NPAS3: variants seen among roughly 807,000 people sequenced by gnomAD.
NPAS3 encodes the protein neuronal PAS domain-containing protein 3.
NPAS3 carries 14 observed loss-of-function variants against 73.1 expected under a neutral mutation model. The observed-to-expected ratio is 0.19, with a 90% CI of 0.13 to 0.30. The LOEUF (loss-of-function observed/expected upper bound fraction) is 0.30, where lower values mean the gene tolerates loss of function less well. NPAS3 is among the 10% of genes least tolerant of loss of function. NPAS3 has a pLI of 1.00. For missense variants in NPAS3, 1,096 were observed against 1,250.0 expected (o/e 0.88, Z 1.86); for synonymous variants, 620 against 541.5 (o/e 1.14, Z -2.01).
chr14:33,001,680 C>T (rs948375778), intron 1 of NPAS3, among the ~76,000 whole-genome samples: 10 of 152,074 alleles, frequency 6.6e-5, no homozygotes, highest in Non-Finnish European at 1.2e-4. Context: ...TTCTTTTCTT[C>T]TTCCATCTGC....
Position 33,326,649 on chromosome 14 carries a change from A to G in NPAS3, c.386-40537A>G, listed in dbSNP as rs566026638. ...TATCAATACAGTAAGAGTATAATTT[A>G]GAGAGAAGTGGTCAAAACTTTGAAA... is the stretch of plus-strand genomic sequence containing the variant. On this transcript the variant is annotated intron_variant, in intron 3 of 11. Transcript: ENST00000356141. Among the ~76,000 whole-genome samples, 83 of 152,364 alleles carry G rather than the reference A, an allele frequency of 5.4e-4. 1 individual carries two copies. Among genetic ancestry groups the G allele is most frequent in the Admixed American group, 1.0e-3 (16 of 15,302 alleles).
chr14:33,419,842 A>G (rs2048300935), intron 4 of NPAS3, among the ~76,000 whole-genome samples: 1 of 151,920 alleles, frequency 6.6e-6, no homozygotes. Flanking sequence ...AACTCTTGAG[A>G]CAAGTAGGTA....
At chr14:33,770,953 T>C (rs1304885855) in intron 7 of NPAS3, among the ~76,000 whole-genome samples, 2 of 152,202 alleles carry the variant, frequency 1.3e-5, no homozygotes, top group African/African-American at 4.8e-5. Flanking sequence ...TTTTTTGTAC[T>C]AGGTTTTAAA....
chr14:33,534,990 GC>G (rs2054198258), intron 4 of NPAS3, among the ~76,000 whole-genome samples: 1 of 152,162 alleles, frequency 6.6e-6, no homozygotes, highest in African/African-American at 2.4e-5. Context: ...TTAGCAAGGA[GC>G]AGTAGCAATA....
chr14:33,088,493 G>C (rs896619335), intron 2 of NPAS3, among the ~76,000 whole-genome samples: 1 of 152,216 alleles, frequency 6.6e-6, no homozygotes, highest in Admixed American at 6.5e-5. Flanking sequence ...CTGGGGTTAG[G>C]GGTGCCCGCC....
rs536572607 is a variant in NPAS3 at position 33,022,527 on chromosome 14, T to C, written c.51-33378T>C. Among the ~76,000 whole-genome samples, 23 of 151,844 alleles carry C rather than the reference T, an allele frequency of 1.5e-4. No individual in the cohort carries two copies. The East Asian group carries it at 3.9e-3, about 26-fold the overall frequency. ...AAAAATACAAAAAAGTAGCTGGGCG[T>C]GGTGGCGGGAGCCTGTAGTCCTAGC... On this transcript the variant is annotated intron_variant, in intron 1 of 11. Transcript: ENST00000356141.
chr14:33,123,073 C>A (rs1216617593), intron 2 of NPAS3, among the ~76,000 whole-genome samples: 1 of 151,206 alleles, frequency 6.6e-6, no homozygotes, highest in African/African-American at 2.4e-5. Flanking sequence ...AAAGATATAC[C>A]TTTTAAACAA....
intron 1 of NPAS3, among the ~76,000 whole-genome samples, chr14:32,952,059 AACT>A (rs2139148946): frequency 6.6e-6 from 1 of 152,158 alleles, no homozygotes; most frequent in Admixed American, 6.5e-5. Context: ...TAAGATGATT[AACT>A]TTTTTGCTTA....
At position 33,207,515 on chromosome 14, in the gene NPAS3, G is replaced by A. The variant is rs111530221; in HGVS notation, c.141-7667G>A. 1.4e-3 allele frequency among the ~76,000 whole-genome samples: 216 copies of A among 152,200 alleles called. 4 individuals carry two copies. The highest frequency in any genetic ancestry group is 4.8e-3 in the African/African-American group (198 of 41,530). ...AGTACAATATTTTACCCTTGTTCAG[G>A]ACATTCATTTATCCTCAAGAATTCT... On this transcript the variant is annotated intron_variant, in intron 2 of 11. Coordinates refer to ENST00000356141, the Ensembl canonical transcript of NPAS3.
In NPAS3 at chr14:33,800,544, C is replaced by T. The variant is rs2063673430; in HGVS notation, c.2237C>T (p.Pro746Leu). The T allele has an allele frequency of 1.5e-6, 2 of 1,353,974 alleles. No homozygotes were observed. The highest frequency in any genetic ancestry group is 3.2e-5 in the East Asian group (1 of 31,432). 83.9% of individuals were successfully genotyped at this position (1,353,974 alleles called of 1,614,324 possible). A position where few individuals can be genotyped will look rare whatever the true frequency, so the allele number is the denominator to read the frequency against. ...GCCCTGGCCCCCGTCGCCTCCGACC[C>T]GCTGTCACCCCCGCTCTCGGCGTCC... is the stretch of plus-strand genomic sequence containing the variant. The change falls in exon 12 of 12, where the codon CCG becomes CTG. Residue 746 changes from proline (P) to leucine (L), a missense_variant. Coordinates refer to ENST00000356141, the Ensembl canonical transcript of NPAS3. This position sits in a 1 kb window ranked among gnomAD's most constrained non-coding sequence, Gnocchi z 6.5.
chr14:33,524,903 G>A (rs1326926824), intron 4 of NPAS3, among the ~76,000 whole-genome samples: 1 of 152,112 alleles, frequency 6.6e-6, no homozygotes, highest in African/African-American at 2.4e-5. Context: ...TATAGAAACA[G>A]TCACATAGGA....
At position 33,084,029 on chromosome 14, in the gene NPAS3, G is replaced by A. The variant is rs143670443; in HGVS notation, c.140+28035G>A. ...AGAAATTTGGAAATTTGATGTTTCC[G>A]TCACCATGGCACTGTATTTTCTCAG... On this transcript the variant is annotated intron_variant, in intron 2 of 11. Transcript: ENST00000356141. Among the ~76,000 whole-genome samples the A allele has an allele frequency of 3.9e-4, 59 of 152,214 alleles. 1 individual carries two copies. The East Asian group carries it at 8.3e-3, about 21-fold the overall frequency.
intron 6 of NPAS3, among the ~76,000 whole-genome samples, chr14:33,722,510 G>T (rs1400959853): frequency 1.3e-5 from 2 of 152,294 alleles, no homozygotes; most frequent in African/African-American, 2.4e-5. Flanking sequence ...ATATGGAAAT[G>T]ATGCCTACAC....
chr14:33,681,291 G>C (rs1475580861), intron 6 of NPAS3, among the ~76,000 whole-genome samples: 2 of 152,138 alleles, frequency 1.3e-5, no homozygotes, highest in East Asian at 3.9e-4. Flanking sequence ...GTATATTGTT[G>C]TGAAGGGATA....
chr14:33,205,502 C>T (rs558883295), intron 2 of NPAS3, among the ~76,000 whole-genome samples: 2 of 151,932 alleles, frequency 1.3e-5, no homozygotes, highest in Non-Finnish European at 2.9e-5. Context: ...AATTTAGGCT[C>T]CTGGCAACCA....
At chr14:32,951,997 CTGG>C (rs2036502081) in intron 1 of NPAS3, among the ~76,000 whole-genome samples, 1 of 151,864 alleles carries the variant, frequency 6.6e-6, no homozygotes, top group Non-Finnish European at 1.5e-5. Context: ...TTTATGGTTT[CTGG>C]AAAATTCCCA....
chr14:33,803,890 T>TA (rs1249114350), downstream of NPAS3: 1 of 152,128 alleles, frequency 6.6e-6, no homozygotes, highest in African/African-American at 2.4e-5. Context: ...GATATATATA[T>TA]AAAAAAATAA....
intron 2 of NPAS3, among the ~76,000 whole-genome samples, chr14:33,151,634 GTTAT>G (rs201619541): frequency 0.013 from 2,031 of 152,140 alleles, 17 homozygotes; most frequent in African/African-American, 0.025. Flanking sequence ...ATTGAATCCA[GTTAT>G]TTATTCTTTT....
chr14:32,955,880 A>G (rs1314132309), intron 1 of NPAS3, among the ~76,000 whole-genome samples: 1 of 152,166 alleles, frequency 6.6e-6, no homozygotes, highest in East Asian at 1.9e-4. Flanking sequence ...TGTATTTTTA[A>G]CTAATGCTTA....
Sources: allele counts gnomAD v4.1 joint callset (sites outside exome capture counted in the v4.1 genomes callset), GRCh38; gene constraint gnomAD v4.1.1; non-coding constraint Gnocchi (gnomAD v3.1); transcripts MANE v1.5; gene names NCBI Gene and HGNC (gene_info 2026-07-23, HGNC 2026-07-21).